Variants in PPARGC1A observed in about 807,000 individuals in gnomAD.
PPARGC1A encodes peroxisome proliferator-activated receptor gamma coactivator 1-alpha.
A neutral mutation model predicts 88.7 loss-of-function variants in PPARGC1A; 25 were observed. The ratio of observed to expected loss-of-function variants is 0.28; its 90% CI spans 0.21 to 0.39. PPARGC1A has a LOEUF of 0.39. PPARGC1A is among the 10% of genes least tolerant of loss of function. PPARGC1A has a pLI of 1.00. For synonymous variants in PPARGC1A, 363 were observed against 355.6 expected, an observed-to-expected ratio of 1.02 and a Z score of -0.24; for missense variants, 880 against 968.7, an observed-to-expected ratio of 0.91 and a Z score of 1.22.
the PPARGC1A span, among the ~76,000 whole-genome samples, chr4:24,244,982 A>G: frequency 5.4e-4 from 82 of 152,286 alleles, 1 homozygote; most frequent in South Asian, 8.1e-3. Context: ...AAGAATGGAG[A>G]AAAAAAGAAG....
chr4:24,081,979 A>G, the PPARGC1A span, among the ~76,000 whole-genome samples: 1 of 152,146 alleles, frequency 6.6e-6, no homozygotes, highest in Non-Finnish European at 1.5e-5. Context: ...AGGGGTATAC[A>G]TGGAAAAGTG....
the PPARGC1A span, among the ~76,000 whole-genome samples, chr4:24,209,779 A>T: frequency 6.6e-6 from 1 of 152,240 alleles, no homozygotes; most frequent in Non-Finnish European, 1.5e-5. Context: ...CTCATAAAGT[A>T]ATAGTACAAT....
chr4:24,235,334 G>A, the PPARGC1A span, among the ~76,000 whole-genome samples: 1 of 152,150 alleles, frequency 6.6e-6, no homozygotes, highest in Non-Finnish European at 1.5e-5. Context: ...AGTCCTTTAT[G>A]AGGGAATAAT....
At chr4:23,916,263 T>A in the PPARGC1A span, among the ~76,000 whole-genome samples, 1 of 152,240 alleles carries the variant, frequency 6.6e-6, no homozygotes, top group Admixed American at 6.5e-5. Flanking sequence ...TAAGGATCAA[T>A]TAATCTTAAT....
chr4:24,088,398 G>T, the PPARGC1A span, among the ~76,000 whole-genome samples: 2 of 151,888 alleles, frequency 1.3e-5, no homozygotes, highest in East Asian at 3.9e-4. Context: ...GAAGAAAGAA[G>T]AAGGAAAAAA....
the PPARGC1A span, among the ~76,000 whole-genome samples, chr4:23,979,670 G>C: frequency 2.0e-5 from 3 of 151,696 alleles, no homozygotes; most frequent in Admixed American, 6.6e-5. Flanking sequence ...ACAACCCTGC[G>C]GGGGGGACAA....
chr4:24,314,108 C>A, the PPARGC1A span, among the ~76,000 whole-genome samples: 1 of 152,072 alleles, frequency 6.6e-6, no homozygotes, highest in Non-Finnish European at 1.5e-5. Context: ...CATATGTCAA[C>A]AAAAGAGTAA....
the PPARGC1A span, among the ~76,000 whole-genome samples, chr4:23,982,911 G>A: frequency 6.1e-4 from 93 of 152,146 alleles, no homozygotes; most frequent in African/African-American, 2.1e-3. Flanking sequence ...CCCATGGGCC[G>A]AATTTGGCTC....
At chr4:24,085,118 TAA>T in the PPARGC1A span, among the ~76,000 whole-genome samples, 1 of 151,958 alleles carries the variant, frequency 6.6e-6, no homozygotes, top group Non-Finnish European at 1.5e-5. Context: ...ACTTTAAACA[TAA>T]AGAAACAAAT....
chr4:24,128,032 A>G, the PPARGC1A span, among the ~76,000 whole-genome samples: 1 of 152,156 alleles, frequency 6.6e-6, no homozygotes, highest in East Asian at 1.9e-4. Flanking sequence ...AAGTCAATGC[A>G]TCTGCACACC....
At chr4:24,122,367 G>A in the PPARGC1A span, among the ~76,000 whole-genome samples, 5 of 150,640 alleles carry the variant, frequency 3.3e-5, no homozygotes, top group South Asian at 4.2e-4. Flanking sequence ...GAGTGTATGC[G>A]TATGTGTGTG....
the PPARGC1A span, among the ~76,000 whole-genome samples, chr4:24,008,258 G>T: frequency 6.6e-6 from 1 of 152,104 alleles, no homozygotes; most frequent in Non-Finnish European, 1.5e-5. Context: ...TGAAGATCTC[G>T]CAACCAACTT....
rs2109279752 is a variant in PPARGC1A at position 23,792,792 on chromosome 4, AT to A, written c.*3029del. ...ATTTGAAATATTCTCTCCCAAAAAAATAAAAATAAAAATGAGAGGAGCACAG... is the reference window on the plus strand; with the variant it reads ...ATTTGAAATATTCTCTCCCAAAAAAAAAAAATAAAAATGAGAGGAGCACAG... On this transcript the variant is annotated 3_prime_UTR_variant, in exon 13 of 13. Transcript: ENST00000264867. The A allele has an allele frequency of 6.6e-6, 1 of 152,634 alleles. No individual in the cohort carries two copies. Among genetic ancestry groups the A allele is most frequent in the East Asian group, 1.9e-4 (1 of 5,166 alleles). 9.5% of individuals were successfully genotyped at this position (152,634 alleles called of 1,614,324 possible). A position where few individuals can be genotyped will look rare whatever the true frequency, so the allele number is the denominator to read the frequency against.
the PPARGC1A span, among the ~76,000 whole-genome samples, chr4:24,269,572 T>G: frequency 6.6e-6 from 1 of 152,154 alleles, no homozygotes; most frequent in African/African-American, 2.4e-5. Context: ...AAAGGGACAT[T>G]TTACATAGAC....
At chr4:24,023,976 G>A in the PPARGC1A span, among the ~76,000 whole-genome samples, 1 of 152,212 alleles carries the variant, frequency 6.6e-6, no homozygotes, top group Non-Finnish European at 1.5e-5. Flanking sequence ...AACTAAAGCT[G>A]CAGATTTTGT....
the PPARGC1A span, among the ~76,000 whole-genome samples, chr4:23,936,915 AAC>A: frequency 6.6e-6 from 1 of 152,008 alleles, no homozygotes; most frequent in South Asian, 2.1e-4. Flanking sequence ...AAATAAACTA[AAC>A]ACAGACTCCC....
At chr4:23,956,826 C>T in the PPARGC1A span, among the ~76,000 whole-genome samples, 1 of 152,042 alleles carries the variant, frequency 6.6e-6, no homozygotes, top group African/African-American at 2.4e-5. Context: ...TGTCTTGCAC[C>T]ATTTCCTTAT....
chr4:23,920,657 T>C, the PPARGC1A span, among the ~76,000 whole-genome samples: 1 of 152,180 alleles, frequency 6.6e-6, no homozygotes, highest in Non-Finnish European at 1.5e-5. Context: ...TCTTTTCTTC[T>C]CTCCACTTCA....
rs749235091 is a variant in PPARGC1A at position 23,813,851 on chromosome 4, G to A, written c.1632C>T (p.Asn544=). 21 of 1,613,986 alleles carry A rather than the reference G, an allele frequency of 1.3e-5. No homozygotes were observed. The East Asian group carries it at 4.0e-4, about 31-fold the overall frequency. Reference sequence around the variant, plus strand: ...GTGACACAGAATCTCTACATGGAGAGTTAAAAGAAGAACAAGAAGGAGACA... The same window carrying A: ...GTGACACAGAATCTCTACATGGAGAATTAAAAGAAGAACAAGAAGGAGACA... ...FNVSPSCSSF[N]SPCRDSVSPP... Residue 544 remains asparagine, a synonymous_variant, in exon 8 of 13, where the codon AAC becomes AAT. Transcript: ENST00000264867.
Sources: allele counts gnomAD v4.1 joint callset (sites outside exome capture counted in the v4.1 genomes callset), GRCh38; gene constraint gnomAD v4.1.1; transcripts MANE v1.5; gene names NCBI Gene and HGNC (gene_info 2026-07-23, HGNC 2026-07-21).